Variants in GRAMD1B observed in about 807,000 individuals in gnomAD.
The protein encoded by GRAMD1B is protein Aster-B.
A neutral mutation model predicts 99.7 loss-of-function variants in GRAMD1B; 37 were observed. The ratio of observed to expected loss-of-function variants is 0.37; its 90% CI spans 0.29 to 0.49. The LOEUF is 0.49. Ranked by LOEUF, GRAMD1B falls within the 20% of genes least tolerant of loss-of-function variation. GRAMD1B has a pLI of 0.98. For synonymous variants in GRAMD1B, 427 were observed against 387.6 expected (o/e 1.10, Z -1.19); for missense variants, 888 against 1,009.2 (o/e 0.88, Z 1.63).
At chr11:123,498,224 T>C (rs1047120595) in intron 2 of GRAMD1B, among the ~76,000 whole-genome samples, 3 of 152,196 alleles carry the variant, frequency 2.0e-5, no homozygotes, top group African/African-American at 7.2e-5. Context: ...TTGGCGCTCT[T>C]CCTCACTGTG....
At chr11:123,594,428 G>C (rs1406073712) in intron 5 of GRAMD1B, among the ~76,000 whole-genome samples, 3 of 152,226 alleles carry the variant, frequency 2.0e-5, no homozygotes, top group Non-Finnish European at 4.4e-5. Context: ...GGTTAGCATA[G>C]TTGTGGACTG....
chr11:123,529,168 C>T (rs1362083695), intron 2 of GRAMD1B, among the ~76,000 whole-genome samples: 1 of 108,980 alleles, frequency 9.2e-6, no homozygotes, highest in Non-Finnish European at 2.2e-5. Flanking sequence ...TCTCTCACAC[C>T]TCCGACACAT....
rs1197816239 is a variant in GRAMD1B at position 123,591,721 on chromosome 11, T to TGGGG, written c.685-2360_685-2357dup. ...TTTGGGGGTGGAGGAGGGAGAGGGC[T>TGGGG]GGGGTCCCTGGCTTCGAGAGGCTGC... On this transcript the variant is annotated intron_variant, in intron 4 of 19. Transcript: ENST00000635736. The surrounding 1 kb of genome is among the most constrained non-coding windows in gnomAD (Gnocchi z 4.7). Among the ~76,000 whole-genome samples the TGGGG allele has an allele frequency of 6.6e-6, 1 of 152,170 alleles. No homozygotes were observed. The highest frequency in any genetic ancestry group is 2.4e-5 in the African/African-American group (1 of 41,440).
intron 2 of GRAMD1B, among the ~76,000 whole-genome samples, chr11:123,505,838 C>A (rs1940371278): frequency 6.6e-6 from 1 of 152,168 alleles, no homozygotes; most frequent in Non-Finnish European, 1.5e-5. Context: ...CTCTCTCTTT[C>A]TTCCTTCTTC....
At chr11:123,460,699 G>A (rs941827261) in intron 1 of GRAMD1B, among the ~76,000 whole-genome samples, 17 of 152,228 alleles carry the variant, frequency 1.1e-4, no homozygotes, top group Admixed American at 1.0e-3. Context: ...AGCAGGATTT[G>A]GGGGGCGGAC....
At chr11:123,615,885 T>C (rs1954307646) in intron 17 of GRAMD1B, among the ~76,000 whole-genome samples, 1 of 152,160 alleles carries the variant, frequency 6.6e-6, no homozygotes, top group African/African-American at 2.4e-5. Flanking sequence ...TCTAGGACGG[T>C]CCTGGGGACC....
chr11:123,418,165 G>A (rs1948296862), intron 1 of GRAMD1B, among the ~76,000 whole-genome samples: 1 of 152,198 alleles, frequency 6.6e-6, no homozygotes, highest in Admixed American at 6.5e-5. Context: ...GAAATAAAAT[G>A]ATGGCTTAAT....
intron 1 of GRAMD1B, among the ~76,000 whole-genome samples, chr11:123,466,468 GAA>G (rs1565522601): frequency 6.9e-6 from 1 of 145,152 alleles, no homozygotes; most frequent in Non-Finnish European, 1.5e-5. Flanking sequence ...AAGAAAGAAA[GAA>G]AAGAAAGAAA....
chr11:123,545,494 C>T (rs1332939013), intron 2 of GRAMD1B, among the ~76,000 whole-genome samples: 2 of 152,156 alleles, frequency 1.3e-5, no homozygotes, highest in African/African-American at 4.8e-5. Flanking sequence ...GGTAGCTTCT[C>T]GTTAGTGGTC....
chr11:123,565,287 C>T (rs982572608), intron 2 of GRAMD1B, among the ~76,000 whole-genome samples: 3 of 151,944 alleles, frequency 2.0e-5, no homozygotes, highest in Admixed American at 6.6e-5. Context: ...AATCTTCCCA[C>T]CTCGGCCTCC....
At chr11:123,461,898 G>A (rs1250129082) in intron 1 of GRAMD1B, among the ~76,000 whole-genome samples, 3 of 149,330 alleles carry the variant, frequency 2.0e-5, no homozygotes, top group South Asian at 4.2e-4. Context: ...GAGCCACTGC[G>A]CCCGGCCAAG....
intron 6 of GRAMD1B, among the ~76,000 whole-genome samples, chr11:123,595,367 C>T (rs559319604): frequency 2.0e-4 from 30 of 152,072 alleles, no homozygotes; most frequent in African/African-American, 2.9e-4. Flanking sequence ...CTGCAACCTC[C>T]GCCCCTGCCC....
upstream of GRAMD1B, among the ~76,000 whole-genome samples, chr11:123,427,184 G>A (rs564339241): frequency 6.6e-6 from 1 of 152,334 alleles, no homozygotes; most frequent in Non-Finnish European, 1.5e-5. Context: ...AGATTCTGAC[G>A]CAGGGCATGA....
chr11:123,424,046 C>T (rs1948556498), intron 1 of GRAMD1B, among the ~76,000 whole-genome samples: 1 of 152,084 alleles, frequency 6.6e-6, no homozygotes, highest in Non-Finnish European at 1.5e-5. Context: ...CACATTTTTC[C>T]CCTGCCCTAT....
intron 1 of GRAMD1B, among the ~76,000 whole-genome samples, chr11:123,378,500 CT>C (rs1946765531): frequency 6.6e-6 from 1 of 152,134 alleles, no homozygotes; most frequent in African/African-American, 2.4e-5. Flanking sequence ...TTGTCTTTTG[CT>C]TAGTTTTAAG....
intron 3 of GRAMD1B, among the ~76,000 whole-genome samples, chr11:123,584,045 T>C (rs992481500): frequency 6.6e-6 from 1 of 151,944 alleles, no homozygotes; most frequent in Non-Finnish European, 1.5e-5. Flanking sequence ...GGGCTCCGAC[T>C]CCCTTCCGGT....
At chr11:123,393,111 G>T (rs1947336816) in intron 1 of GRAMD1B, among the ~76,000 whole-genome samples, 1 of 152,098 alleles carries the variant, frequency 6.6e-6, no homozygotes, top group African/African-American at 2.4e-5. Flanking sequence ...CATTTAATTT[G>T]GATGCTAGAA....
At chr11:123,384,800 A>C (rs1947001435) in intron 1 of GRAMD1B, among the ~76,000 whole-genome samples, 1 of 152,178 alleles carries the variant, frequency 6.6e-6, no homozygotes, top group African/African-American at 2.4e-5. Context: ...GGGTCAGAAA[A>C]CTTTTTCTTA....
intron 1 of GRAMD1B, among the ~76,000 whole-genome samples, chr11:123,369,775 G>A (rs1163833407): frequency 6.6e-6 from 1 of 151,956 alleles, no homozygotes; most frequent in Non-Finnish European, 1.5e-5. Context: ...AGGAGGTTGA[G>A]GTGGGATGAT....
Sources: gnomAD v4.1 joint callset for allele counts (sites outside exome capture counted in the v4.1 genomes callset) on GRCh38, gnomAD v4.1.1 for gene constraint, Gnocchi (gnomAD v3.1) non-coding constraint, MANE v1.5 for transcripts, NCBI Gene and HGNC (gene_info 2026-07-23, HGNC 2026-07-21) for gene names.